The following TENM2 variants were observed in gnomAD, a reference collection of about 807,000 sequenced individuals.
TENM2 encodes the protein teneurin-2.
TENM2 carries 52 observed loss-of-function variants against 245.2 expected under a neutral mutation model. The observed-to-expected ratio is 0.21, with a 90% CI of 0.17 to 0.27. The LOEUF (loss-of-function observed/expected upper bound fraction) is 0.27. Among genes scored for constraint, TENM2 ranks in the 10% least tolerant of loss-of-function variants. TENM2 has a pLI of 1.00. For synonymous variants in TENM2, 1,363 were observed against 1,438.9 expected, an observed-to-expected ratio of 0.95 and a Z score of 1.19; for missense variants, 3,046 against 3,666.8, an observed-to-expected ratio of 0.83 and a Z score of 4.37.
chr5:167,747,508 A>G (rs377718511), intron 2 of TENM2, among the ~76,000 whole-genome samples: 116 of 152,318 alleles, frequency 7.6e-4, no homozygotes, highest in African/African-American at 2.5e-3. Context: ...TTTCTCAAAG[A>G]TATGCCTCTG....
intron 2 of TENM2, among the ~76,000 whole-genome samples, chr5:167,846,478 G>A (rs562022002): frequency 2.2e-4 from 34 of 152,280 alleles, no homozygotes; most frequent in African/African-American, 7.9e-4. Flanking sequence ...AGCAGCATGC[G>A]GATTGCTAGA....
chr5:167,904,620 C>G (rs928957226), intron 3 of TENM2, among the ~76,000 whole-genome samples: 3 of 152,142 alleles, frequency 2.0e-5, no homozygotes, highest in Non-Finnish European at 4.4e-5. Context: ...AATCAGAAAA[C>G]AGCATCAGAA....
chr5:167,266,345 A>T, the TENM2 span, among the ~76,000 whole-genome samples: 26 of 152,304 alleles, frequency 1.7e-4, 1 homozygote, highest in African/African-American at 5.8e-4. Context: ...TTGGAAATTT[A>T]TTCATCTATT....
chr5:167,043,782 C>A, the TENM2 span, among the ~76,000 whole-genome samples: 1 of 152,090 alleles, frequency 6.6e-6, no homozygotes, highest in Non-Finnish European at 1.5e-5. Context: ...GAGGCCGAGG[C>A]GTGATCCGAG....
chr5:167,054,497 G>A, the TENM2 span, among the ~76,000 whole-genome samples: 3 of 152,100 alleles, frequency 2.0e-5, no homozygotes, highest in Admixed American at 1.3e-4. Flanking sequence ...AAACATCTGT[G>A]TGCAGATTTT....
chr5:167,655,020 A>G (rs1754748077), intron 2 of TENM2, among the ~76,000 whole-genome samples: 1 of 152,176 alleles, frequency 6.6e-6, no homozygotes, highest in African/African-American at 2.4e-5. Context: ...ATAGGTTATA[A>G]ACATTATGTC....
chr5:167,929,239 C>A (rs898700992), intron 3 of TENM2, among the ~76,000 whole-genome samples: 3 of 137,834 alleles, frequency 2.2e-5, no homozygotes, highest in East Asian at 2.2e-4. Context: ...GGGAGGAAGG[C>A]AGGCAGGCAG....
chr5:167,516,398 A>G (rs1770380965), intron 2 of TENM2, among the ~76,000 whole-genome samples: 1 of 152,194 alleles, frequency 6.6e-6, no homozygotes, highest in African/African-American at 2.4e-5. Flanking sequence ...ACCTAATTAA[A>G]GAAATTAATA....
intron 9 of TENM2, among the ~76,000 whole-genome samples, chr5:168,108,735 T>A (rs957490539): frequency 1.3e-5 from 2 of 152,132 alleles, no homozygotes; most frequent in African/African-American, 4.8e-5. Context: ...CAGGGCAGTG[T>A]GACCACTCCT....
chr5:167,481,307 T>C (rs557480828), intron 2 of TENM2, among the ~76,000 whole-genome samples: 25 of 152,312 alleles, frequency 1.6e-4, no homozygotes, highest in Admixed American at 1.4e-3. Flanking sequence ...TGAAAATAGA[T>C]TTACCTCTTT....
intron 12 of TENM2, among the ~76,000 whole-genome samples, chr5:168,153,526 G>A (rs745344692): frequency 3.9e-5 from 6 of 152,226 alleles, no homozygotes; most frequent in Non-Finnish European, 5.9e-5. Flanking sequence ...TGCAGGGAGC[G>A]TAGTTCAGAG....
At chr5:167,563,543 A>G (rs916232475) in intron 2 of TENM2, among the ~76,000 whole-genome samples, 1 of 152,102 alleles carries the variant, frequency 6.6e-6, no homozygotes, top group African/African-American at 2.4e-5. Flanking sequence ...CAGCATTGCC[A>G]TTAAATATAG....
At chr5:167,082,666 C>T in the TENM2 span, among the ~76,000 whole-genome samples, 3 of 152,200 alleles carry the variant, frequency 2.0e-5, no homozygotes, top group East Asian at 3.9e-4. Context: ...ACTACTGTGA[C>T]TCTAATAACT....
At chr5:168,231,235 A>AGACTT (rs771784567) in intron 25 of TENM2, among the ~76,000 whole-genome samples, 1 of 150,342 alleles carries the variant, frequency 6.7e-6, no homozygotes, top group African/African-American at 2.5e-5. Context: ...AGATGAACAA[A>AGACTT]GACTTGGTAA....
At chr5:167,583,978 C>T (rs896250136) in intron 2 of TENM2, among the ~76,000 whole-genome samples, 1 of 152,166 alleles carries the variant, frequency 6.6e-6, no homozygotes, top group African/African-American at 2.4e-5. Flanking sequence ...CTCGACTACT[C>T]CTCCTTAAGT....
chr5:167,597,760 A>G (rs1004614032), intron 2 of TENM2, among the ~76,000 whole-genome samples: 1 of 152,204 alleles, frequency 6.6e-6, no homozygotes, highest in African/African-American at 2.4e-5. Flanking sequence ...TATGCATGTC[A>G]TATTTCCATA....
chr5:167,971,106 G>A (rs1781742654), intron 4 of TENM2, among the ~76,000 whole-genome samples: 1 of 152,132 alleles, frequency 6.6e-6, no homozygotes, highest in Non-Finnish European at 1.5e-5. Context: ...GGGGAAAAGA[G>A]CGAAGTATAG....
intron 2 of TENM2, among the ~76,000 whole-genome samples, chr5:167,460,766 C>T (rs113216674): frequency 1.3e-5 from 2 of 152,174 alleles, no homozygotes; most frequent in Non-Finnish European, 2.9e-5. Flanking sequence ...AAAAAATCAA[C>T]TGAATTTCAG....
Position 167,761,467 on chromosome 5 carries a change from A to G in TENM2, c.503-114519A>G, listed in dbSNP as rs548181729. On this transcript the variant is annotated intron_variant, in intron 2 of 28. Coordinates refer to ENST00000518659, the Ensembl canonical transcript of TENM2. ...CAACCTCTAAAAAAGACCCAATATT[A>G]TATTTCTCCACATGGAGAAATATGG... 2.0e-5 allele frequency among the ~76,000 whole-genome samples: 3 copies of G among 152,158 alleles called. No homozygotes were observed. In the South Asian group the frequency reaches 6.2e-4, roughly 32 times the overall value.
Sources: gnomAD v4.1 joint callset for allele counts (sites outside exome capture counted in the v4.1 genomes callset) on GRCh38, gnomAD v4.1.1 for gene constraint, MANE v1.5 for transcripts, NCBI Gene and HGNC (gene_info 2026-07-23, HGNC 2026-07-21) for gene names.